OTUD7A: variants seen among roughly 807,000 people sequenced by gnomAD.
OTUD7A encodes OTU deubiquitinase 7A.
In OTUD7A, 12 loss-of-function variants were observed where a neutral mutation model predicts 65.7. That is an observed-to-expected ratio of 0.18 (90% CI 0.12 to 0.30). The LOEUF is 0.30. OTUD7A is among the 10% of genes least tolerant of loss of function. OTUD7A has a pLI of 1.00. For missense variants in OTUD7A, 1,148 were observed against 1,304.8 expected (o/e 0.88, Z 1.85); for synonymous variants, 641 against 586.3 (o/e 1.09, Z -1.35).
At chr15:31,604,015 C>T (rs952369296) in intron 3 of OTUD7A, among the ~76,000 whole-genome samples, 1 of 152,178 alleles carries the variant, frequency 6.6e-6, no homozygotes, top group African/African-American at 2.4e-5. Flanking sequence ...ATTAGTTCAA[C>T]CATTGTGGAA....
chr15:31,610,617 A>ATATATTTT, intron 3 of OTUD7A, among the ~76,000 whole-genome samples: 17 of 30,556 alleles, frequency 5.6e-4, no homozygotes, highest in African/African-American at 2.7e-3. Flanking sequence ...ATATATATAT[A>ATATATTTT]TTTTTTTTTT....
chr15:31,533,666 AG>A (rs1426928116), intron 5 of OTUD7A, among the ~76,000 whole-genome samples: 1 of 152,246 alleles, frequency 6.6e-6, no homozygotes, highest in East Asian at 1.9e-4. Context: ...AAATGGCTAA[AG>A]GAAGTTCTCT....
intron 1 of OTUD7A, among the ~76,000 whole-genome samples, chr15:31,868,107 G>A (rs1567063329): frequency 6.6e-6 from 1 of 152,204 alleles, no homozygotes; most frequent in African/African-American, 2.4e-5. Context: ...ATCCCAAAGG[G>A]AACAGAAAGA....
intron 3 of OTUD7A, among the ~76,000 whole-genome samples, chr15:31,635,491 G>GC (rs1891312195): frequency 6.6e-6 from 1 of 152,198 alleles, no homozygotes; most frequent in Admixed American, 6.5e-5. Context: ...AACCAGGCGG[G>GC]GAGAGACCTG....
intron 1 of OTUD7A, among the ~76,000 whole-genome samples, chr15:31,694,340 T>C (rs1218944732): frequency 1.3e-5 from 2 of 152,198 alleles, no homozygotes; most frequent in Non-Finnish European, 1.5e-5. Context: ...CTGTCTTTTT[T>C]CATTCAGTTC....
At chr15:31,529,613 A>G (rs2042059823) in intron 6 of OTUD7A, among the ~76,000 whole-genome samples, 1 of 152,204 alleles carries the variant, frequency 6.6e-6, no homozygotes, top group Non-Finnish European at 1.5e-5. Context: ...TCCTCACTGC[A>G]GGTCAAGCCT....
chr15:31,850,780 T>C (rs1897405394), intron 1 of OTUD7A, among the ~76,000 whole-genome samples: 1 of 151,804 alleles, frequency 6.6e-6, no homozygotes, highest in African/African-American at 2.4e-5. Context: ...ACCCAAGGAG[T>C]TAACATGCAA....
intron 1 of OTUD7A, among the ~76,000 whole-genome samples, chr15:31,751,754 C>A (rs558174578): frequency 1.3e-5 from 2 of 152,110 alleles, no homozygotes; most frequent in South Asian, 2.1e-4. Context: ...GAAATAATGT[C>A]CTTTTCAAAC....
At chr15:31,805,634 A>C (rs1477252200) in intron 1 of OTUD7A, among the ~76,000 whole-genome samples, 1 of 152,198 alleles carries the variant, frequency 6.6e-6, no homozygotes, top group South Asian at 2.1e-4. Context: ...ACCCACTGAC[A>C]TCACATTCAG....
At chr15:31,633,225 A>C (rs1175906158) in intron 3 of OTUD7A, among the ~76,000 whole-genome samples, 2 of 152,144 alleles carry the variant, frequency 1.3e-5, no homozygotes, top group African/African-American at 2.4e-5. Flanking sequence ...TCACGCTGGA[A>C]GCTGTAGACC....
At chr15:31,778,091 C>T (rs1368587268) in intron 1 of OTUD7A, among the ~76,000 whole-genome samples, 1 of 152,062 alleles carries the variant, frequency 6.6e-6, no homozygotes, top group Non-Finnish European at 1.5e-5. Flanking sequence ...TCTGCCCAGT[C>T]ATCAGCACCA....
chr15:31,713,700 G>A (rs1893509050), intron 1 of OTUD7A, among the ~76,000 whole-genome samples: 1 of 150,212 alleles, frequency 6.7e-6, no homozygotes, highest in Non-Finnish European at 1.5e-5. Flanking sequence ...ACCTAGAGAA[G>A]GTGAAAAGCA....
At chr15:31,672,170 A>T (rs183530993) in intron 1 of OTUD7A, among the ~76,000 whole-genome samples, 1 of 152,172 alleles carries the variant, frequency 6.6e-6, no homozygotes, top group African/African-American at 2.4e-5. Flanking sequence ...AATGCTCTGG[A>T]TTAACCTAAG....
chr15:31,549,458 G>A (rs1566914529), intron 5 of OTUD7A, among the ~76,000 whole-genome samples: 2 of 152,152 alleles, frequency 1.3e-5, no homozygotes, highest in Admixed American at 6.5e-5. Flanking sequence ...CTGTGACTCC[G>A]ACGGGATGTC....
intron 5 of OTUD7A, among the ~76,000 whole-genome samples, chr15:31,536,312 T>C (rs1463866302): frequency 3.9e-5 from 6 of 152,204 alleles, no homozygotes; most frequent in Non-Finnish European, 7.3e-5. Context: ...TCTTGGATAA[T>C]ACTAAAATTG....
intron 1 of OTUD7A, among the ~76,000 whole-genome samples, chr15:31,844,391 G>A (rs1049156128): frequency 7.9e-5 from 12 of 152,244 alleles, no homozygotes; most frequent in Admixed American, 6.5e-4. Flanking sequence ...CAGCTACTCA[G>A]GAGGCTGAGG....
chr15:31,656,315 G>A (rs1891990480), intron 2 of OTUD7A, among the ~76,000 whole-genome samples: 1 of 152,222 alleles, frequency 6.6e-6, no homozygotes, highest in South Asian at 2.1e-4. Flanking sequence ...GCATCCTTGT[G>A]TTTGTGTAGA....
At chr15:31,711,438 CCTCT>C (rs1408891379) in intron 1 of OTUD7A, among the ~76,000 whole-genome samples, 1 of 151,412 alleles carries the variant, frequency 6.6e-6, no homozygotes, top group African/African-American at 2.4e-5. Context: ...TTTGTTTCTC[CCTCT>C]CTCTTGCCTT....
chr15:31,861,768 G>T (rs1897747945), intron 1 of OTUD7A, among the ~76,000 whole-genome samples: 1 of 152,308 alleles, frequency 6.6e-6, no homozygotes, highest in African/African-American at 2.4e-5. Flanking sequence ...CCCAATAGCT[G>T]CAGACCCACA....
Sources: allele counts gnomAD v4.1 joint callset (sites outside exome capture counted in the v4.1 genomes callset), GRCh38; gene constraint gnomAD v4.1.1; transcripts MANE v1.5; gene names NCBI Gene and HGNC (gene_info 2026-07-23, HGNC 2026-07-21).